Variants in ZBTB9 observed in about 807,000 individuals in gnomAD.
ZBTB9 encodes the protein zinc finger and BTB domain-containing protein 9.
In ZBTB9, 17 loss-of-function variants were observed where a neutral mutation model predicts 26.3. That is an observed-to-expected ratio of 0.65 (90% CI 0.44 to 0.97). The LOEUF (loss-of-function observed/expected upper bound fraction) is 0.97. Among genes scored for constraint, ZBTB9 ranks in the 50% least tolerant of loss-of-function variants. The pLI is 0.00. For synonymous variants in ZBTB9, 226 were observed against 234.3 expected, an observed-to-expected ratio of 0.96 and a Z score of 0.32; for missense variants, 510 against 594.2, an observed-to-expected ratio of 0.86 and a Z score of 1.47.
In ZBTB9 at chr6:33,455,899, A is replaced by T. The variant is rs1192442750; in HGVS notation, c.799A>T (p.Ser267Cys). ...ATPRKLPEGE[S>C]APLELPAPPA... is the part of the protein sequence containing the mutation. ...TCCCCGAAAGCTTCCAGAGGGTGAGAGTGCACCACTTGAGCTTCCTGCCCC... is the reference window on the plus strand; with the variant it reads ...TCCCCGAAAGCTTCCAGAGGGTGAGTGTGCACCACTTGAGCTTCCTGCCCC... Residue 267 changes from serine to cysteine, a missense_variant, in exon 2 of 2, where the codon AGT (serine) becomes TGT (cysteine). Coordinates refer to ENST00000395064, the MANE Select transcript of ZBTB9 (RefSeq NM_152735.4). The T allele has an allele frequency of 6.2e-7, 1 of 1,613,394 alleles. No homozygotes were observed. The highest frequency in any genetic ancestry group is 8.5e-7 in the Non-Finnish European group (1 of 1,179,682).
chr6:33,455,840 C>G lies in ZBTB9; in HGVS notation c.740C>G (p.Pro247Arg). The G allele has an allele frequency of 6.2e-7, 1 of 1,611,954 alleles. No individual in the cohort carries two copies. The highest frequency in any genetic ancestry group is 8.5e-7 in the Non-Finnish European group (1 of 1,178,860). The change falls in exon 2 of 2, where the codon CCT (proline) becomes CGT (arginine). Residue 247 changes from proline to arginine, a missense_variant. Pro to Arg is a moderately radical substitution (Grantham distance 103, BLOSUM62 -2). Transcript: ENST00000395064. ...AGAGTATCAGGGGTTTTTCCCCGTCCTCATGGACCCCACCCACTGCCCATG... is the reference window on the plus strand; with the variant it reads ...AGAGTATCAGGGGTTTTTCCCCGTCGTCATGGACCCCACCCACTGCCCATG... Reference protein sequence around the residue: ...PQRVSGVFPRPHGPHPLPMTA... With the variant: ...PQRVSGVFPRRHGPHPLPMTA...
At position 33,455,997 on chromosome 6, in the gene ZBTB9, C is replaced by T. The variant is rs1328856413; in HGVS notation, c.897C>T (p.Ser299=). 9.9e-6 allele frequency: 16 copies of T among 1,613,744 alleles called. No individual in the cohort carries two copies. The highest frequency in any genetic ancestry group is 2.2e-5 in the South Asian group (2 of 91,056). Residue 299 remains serine, a synonymous_variant, in exon 2 of 2, where the codon AGC becomes AGT. Coordinates refer to ENST00000395064, the MANE Select transcript of ZBTB9 (RefSeq NM_152735.4). The stretch of plus-strand genomic sequence containing the variant: ...AGCCTAAGGAGGAGATATCAGGAAG[C>T]GGAACTCAGCCTGGAGGAGCAAAGG... The part of the protein sequence containing the change: ...PFEPKEEISG[S]GTQPGGAKEE...
Position 33,456,410 on chromosome 6 carries a change from T to C in ZBTB9, c.1310T>C (p.Leu437Pro). The change falls in exon 2 of 2, where the codon CTG (leucine) becomes CCG (proline). Residue 437 changes from leucine to proline, a missense_variant. Leu to Pro is a moderately conservative substitution (Grantham distance 98, BLOSUM62 -3). Coordinates refer to ENST00000395064, the MANE Select transcript of ZBTB9 (RefSeq NM_152735.4). This position sits in a 1 kb window ranked among gnomAD's most constrained non-coding sequence, Gnocchi z 5.1. ...TEHMKTHAGA[L>P]HACPHCGRRF... The stretch of plus-strand genomic sequence containing the variant: ...CACATGAAGACCCATGCTGGAGCCC[T>C]GCATGCCTGTCCCCACTGTGGCCGT... 1 of 1,614,184 alleles carries C rather than the reference T, an allele frequency of 6.2e-7. No individual in the cohort carries two copies. The highest frequency in any genetic ancestry group is 8.5e-7 in the Non-Finnish European group (1 of 1,180,024).
rs1761500702 is a variant in ZBTB9 at position 33,457,193 on chromosome 6, C to T, written c.*671C>T. On this transcript the variant is annotated 3_prime_UTR_variant, in exon 2 of 2. Transcript: ENST00000395064. ...TCTTTAATAGAGGGTCTTCCCTCAA[C>T]AGCCTGTGCCTCTGGTCTACCTTTG... 6.0e-6 allele frequency: 1 copy of T among 167,132 alleles called. No individual in the cohort carries two copies. The highest frequency in any genetic ancestry group is 1.5e-5 in the Non-Finnish European group (1 of 68,162). 10.4% of individuals were successfully genotyped at this position (167,132 alleles called of 1,614,324 possible). A position where few individuals can be genotyped will look rare whatever the true frequency, so the allele number is the denominator to read the frequency against.
chr6:33,456,057 A>G lies in ZBTB9; in HGVS notation c.957A>G (p.Glu319=), dbSNP rs1761481833. Residue 319 remains glutamate, a synonymous_variant, in exon 2 of 2, where the codon GAA becomes GAG. Coordinates refer to ENST00000395064, the MANE Select transcript of ZBTB9 (RefSeq NM_152735.4). This position sits in a 1 kb window ranked among gnomAD's most constrained non-coding sequence, Gnocchi z 5.1. ...AAGTGTTTTCTGGAGGGGACACTGA[A>G]GGGAATGGGGAGCTAGGGTTCTTGT... The part of the protein sequence containing the change: ...ETKVFSGGDT[E]GNGELGFLLP... The G allele has an allele frequency of 6.2e-7, 1 of 1,614,078 alleles. No homozygotes were observed. Among genetic ancestry groups the G allele is most frequent in the African/African-American group, 1.3e-5 (1 of 75,034 alleles).
In ZBTB9 at chr6:33,455,251, T is replaced by G; in HGVS notation, c.151T>G (p.Ser51Ala). 6.2e-7 allele frequency: 1 copy of G among 1,614,156 alleles called. No individual in the cohort carries two copies. ...HRLEGKFCDVSLLVQGRELRA... is the reference protein window; with the variant it reads ...HRLEGKFCDVALLVQGRELRA... ...GCTAGAGGGAAAGTTCTGTGATGTG[T>G]CCCTCCTGGTGCAGGGCCGGGAACT... Residue 51 changes from serine (S) to alanine (A), a missense_variant, in exon 2 of 2, where the codon TCC becomes GCC. Coordinates refer to ENST00000395064, the MANE Select transcript of ZBTB9 (RefSeq NM_152735.4).
At chr6:33,454,971 GAGA>G in intron 1 of ZBTB9, 56 bp from the exon 2 acceptor site, 1 of 1,407,434 alleles carries the variant, frequency 7.1e-7, no homozygotes, top group Non-Finnish European at 9.4e-7. Context: ...GGGGTTGTTT[GAGA>G]AGATGTGGCT....
At position 33,456,603 on chromosome 6, in the gene ZBTB9, C is replaced by T. The variant is rs1561797508; in HGVS notation, c.*81C>T. The T allele has an allele frequency of 1.3e-6, 2 of 1,519,602 alleles. No homozygotes were observed. The highest frequency in any genetic ancestry group is 1.3e-5 in the South Asian group (1 of 75,640). 94.1% of individuals were successfully genotyped at this position (1,519,602 alleles called of 1,614,324 possible). On this transcript the variant is annotated 3_prime_UTR_variant, in exon 2 of 2. Transcript: ENST00000395064. This position sits in a 1 kb window ranked among gnomAD's most constrained non-coding sequence, Gnocchi z 5.1. ...ACTTTTCCCTCACTGCCATGGCACA[C>T]CAGTCATGGATCTTGTAATCATGCC...
At position 33,455,358 on chromosome 6, in the gene ZBTB9, T is replaced by G; in HGVS notation, c.258T>G (p.Thr86=). The G allele has an allele frequency of 6.2e-7, 1 of 1,614,182 alleles. No homozygotes were observed. ...KLLLGDAPRL[T]LPSVIEADAF... is the part of the protein sequence containing the mutation. The stretch of plus-strand genomic sequence containing the variant: ...TTCTGGGGGATGCGCCTCGTCTCAC[T>G]CTACCGAGTGTCATTGAAGCCGATG... The change falls in exon 2 of 2, where the codon ACT becomes ACG. Residue 86 remains threonine, a synonymous_variant. Coordinates refer to ENST00000395064, the MANE Select transcript of ZBTB9 (RefSeq NM_152735.4).
rs1440706152 is a variant in ZBTB9 at position 33,455,063 on chromosome 6, T to G, written c.-38T>G. The G allele has an allele frequency of 1.9e-6, 3 of 1,552,918 alleles. No homozygotes were observed. ...CCGCGTGGAGTCTACCCCCAAGCCC[T>G]TCTCCTCTTCCCAATTCTTGTCACC... On this transcript the variant is annotated 5_prime_UTR_variant, in exon 2 of 2. Coordinates refer to ENST00000395064, the MANE Select transcript of ZBTB9 (RefSeq NM_152735.4).
At position 33,456,354 on chromosome 6, in the gene ZBTB9, G is replaced by A; in HGVS notation, c.1254G>A (p.Lys418=). Reference sequence around the variant, plus strand: ...CTTTTGGCTGTGGCATCTGCAACAAGCGCTTCAAGCTGAAGCACCATCTGA... The same window carrying A: ...CTTTTGGCTGTGGCATCTGCAACAAACGCTTCAAGCTGAAGCACCATCTGA... ...LRPFGCGICN[K]RFKLKHHLTE... Residue 418 remains lysine (K), a synonymous_variant, in exon 2 of 2, where the codon AAG becomes AAA. Coordinates refer to ENST00000395064, the MANE Select transcript of ZBTB9 (RefSeq NM_152735.4). The surrounding 1 kb of genome is among the most constrained non-coding windows in gnomAD (Gnocchi z 5.1). 1 of 1,614,188 alleles carries A rather than the reference G, an allele frequency of 6.2e-7. No homozygotes were observed. The highest frequency in any genetic ancestry group is 8.5e-7 in the Non-Finnish European group (1 of 1,180,046).
Position 33,456,651 on chromosome 6 carries a change from C to T in ZBTB9, c.*129C>T. ...GCCAAGAGAATAGATACATTATGGACCTCTTGTTCTTAGATATGGGCCTCT... is the reference window on the plus strand; with the variant it reads ...GCCAAGAGAATAGATACATTATGGATCTCTTGTTCTTAGATATGGGCCTCT... On this transcript the variant is annotated 3_prime_UTR_variant, in exon 2 of 2. Coordinates refer to ENST00000395064, the MANE Select transcript of ZBTB9 (RefSeq NM_152735.4). This position sits in a 1 kb window ranked among gnomAD's most constrained non-coding sequence, Gnocchi z 5.1. 1 of 1,434,346 alleles carries T rather than the reference C, an allele frequency of 7.0e-7. No individual in the cohort carries two copies. Among genetic ancestry groups the T allele is most frequent in the South Asian group, 1.6e-5 (1 of 63,880 alleles). 88.9% of individuals were successfully genotyped at this position (1,434,346 alleles called of 1,614,324 possible). A position where few individuals can be genotyped will look rare whatever the true frequency, so the allele number is the denominator to read the frequency against.
chr6:33,455,840 C>T lies in ZBTB9; in HGVS notation c.740C>T (p.Pro247Leu), dbSNP rs1480778502. ...AGAGTATCAGGGGTTTTTCCCCGTC[C>T]TCATGGACCCCACCCACTGCCCATG... ...PQRVSGVFPRPHGPHPLPMTA... is the reference protein window; with the variant it reads ...PQRVSGVFPRLHGPHPLPMTA... The change falls in exon 2 of 2, where the codon CCT becomes CTT. Residue 247 changes from proline (P) to leucine (L), a missense_variant. Physicochemically the swap from Pro to Leu is moderately conservative, Grantham distance 98 (BLOSUM62 -3). Transcript: ENST00000395064. The T allele has an allele frequency of 6.2e-7, 1 of 1,611,954 alleles. No individual in the cohort carries two copies. The highest frequency in any genetic ancestry group is 1.7e-5 in the Admixed American group (1 of 59,856).
In ZBTB9 at chr6:33,455,487, G is replaced by GGTA. The variant is rs1446021830; in HGVS notation, c.392_394dup (p.Val131dup). ...TGGCCAGTGGCCTTCAAATGTGGCA[G>GGTA]GTAGTAGATCAGTGCTCAGAAATTC... On this transcript the variant is annotated inframe_insertion, in exon 2 of 2. Coordinates refer to ENST00000395064, the MANE Select transcript of ZBTB9 (RefSeq NM_152735.4). 1.2e-6 allele frequency: 2 copies of GGTA among 1,614,004 alleles called. No homozygotes were observed. Among genetic ancestry groups the GGTA allele is most frequent in the Non-Finnish European group, 1.7e-6 (2 of 1,179,980 alleles).
Position 33,455,073 on chromosome 6 carries a change from C to T in ZBTB9, c.-28C>T. ...TCTACCCCCAAGCCCTTCTCCTCTT[C>T]CCAATTCTTGTCACCTTCGAGGAGG... On this transcript the variant is annotated 5_prime_UTR_variant, in exon 2 of 2. Transcript: ENST00000395064. 3 of 1,564,662 alleles carry T rather than the reference C, an allele frequency of 1.9e-6. No homozygotes were observed. The highest frequency in any genetic ancestry group is 1.7e-6 in the Non-Finnish European group (2 of 1,154,358).
chr6:33,456,259 C>A lies in ZBTB9; in HGVS notation c.1159C>A (p.Leu387Met). The A allele has an allele frequency of 1.9e-6, 3 of 1,613,466 alleles. No individual in the cohort carries two copies. The highest frequency in any genetic ancestry group is 2.5e-6 in the Non-Finnish European group (3 of 1,179,818). ...PPADGKRFGCLCGKRFAVKPK... is the reference protein window; with the variant it reads ...PPADGKRFGCMCGKRFAVKPK... ...TGCAGATGGAAAACGCTTTGGTTGCCTGTGTGGGAAGCGGTTTGCAGTGAA... is the reference window on the plus strand; with the variant it reads ...TGCAGATGGAAAACGCTTTGGTTGCATGTGTGGGAAGCGGTTTGCAGTGAA... Residue 387 changes from leucine (L) to methionine (M), a missense_variant, in exon 2 of 2, where the codon CTG (leucine) becomes ATG (methionine). By Grantham distance (15) the Leu-to-Met change is conservative (BLOSUM62 2). This residue lies in a region of ZBTB9 where 71 missense variants were observed against 133.8 expected (regional missense o/e 0.53). Coordinates refer to ENST00000395064, the MANE Select transcript of ZBTB9 (RefSeq NM_152735.4). This position sits in a 1 kb window ranked among gnomAD's most constrained non-coding sequence, Gnocchi z 5.1.
Position 33,455,668 on chromosome 6 carries a change from G to A in ZBTB9, c.568G>A (p.Ala190Thr), listed in dbSNP as rs1248624118. The A allele has an allele frequency of 1.2e-6, 2 of 1,614,120 alleles. No homozygotes were observed. The highest frequency in any genetic ancestry group is 2.2e-5 in the East Asian group (1 of 44,902). Reference protein sequence around the residue: ...VQSSASTESPASTESPVGGEG... With the variant: ...VQSSASTESPTSTESPVGGEG... ...GTCCTCTGCTTCTACTGAAAGCCCT[G>A]CTTCCACTGAGAGCCCTGTGGGAGG... Residue 190 changes from alanine (A) to threonine (T), a missense_variant, in exon 2 of 2, where the codon GCT becomes ACT. Coordinates refer to ENST00000395064, the MANE Select transcript of ZBTB9 (RefSeq NM_152735.4).
Position 33,455,109 on chromosome 6 carries a change from C to T in ZBTB9, c.9C>T (p.Thr3=). The change falls in exon 2 of 2, where the codon ACC becomes ACT. Residue 3 remains threonine (T), a synonymous_variant. Transcript: ENST00000395064. The part of the protein sequence containing the change: ME[T]PTPLPPVPAS... ...TCACCTTCGAGGAGGCCATGGAAAC[C>T]CCAACACCTTTGCCGCCTGTACCCG... The T allele has an allele frequency of 1.9e-6, 3 of 1,601,590 alleles. No individual in the cohort carries two copies. The highest frequency in any genetic ancestry group is 1.7e-4 in the Middle Eastern group (1 of 5,996).
upstream of ZBTB9, chr6:33,453,912 CTG>C (rs1392337928): frequency 6.6e-6 from 1 of 152,238 alleles, no homozygotes; most frequent in East Asian, 1.9e-4. Flanking sequence ...CCCCTCACCA[CTG>C]TGTCACTTAG....
Sources: allele counts gnomAD v4.1 joint callset, GRCh38; gene constraint gnomAD v4.1.1; regional missense constraint gnomAD v4.1.1; non-coding constraint Gnocchi (gnomAD v3.1); transcripts MANE v1.5; gene names NCBI Gene and HGNC (gene_info 2026-07-23, HGNC 2026-07-21).